Variants in SCARB1 observed in about 807,000 individuals in gnomAD.
The protein encoded by SCARB1 is CD36 and LIMPII analogous 1.
In SCARB1, 30 loss-of-function variants were observed where a neutral mutation model predicts 57.2. That is an observed-to-expected ratio of 0.52 (90% CI 0.39 to 0.71). The LOEUF is 0.71. SCARB1 is among the 30% of genes least tolerant of loss of function. The pLI, the probability that SCARB1 is intolerant of heterozygous loss-of-function variation, is 0.00. For missense variants in SCARB1, 543 were observed against 671.2 expected, an observed-to-expected ratio of 0.81 and a Z score of 2.11; for synonymous variants, 249 against 268.3, an observed-to-expected ratio of 0.93 and a Z score of 0.70.
At chr12:124,813,442 A>G (rs1482302482) in intron 4 of SCARB1, among the ~76,000 whole-genome samples, 2 of 152,208 alleles carry the variant, frequency 1.3e-5, no homozygotes, top group African/African-American at 4.8e-5. Flanking sequence ...TAAGACCATG[A>G]AGCCACCACA....
rs1191790693 is a variant in SCARB1, at chr12:124,817,544, C to T, written c.284+6G>A. ...CCCCTCCACCCTCACCTGGACACAG[C>T]CTCACCTGTACACGTAGGGCCCGCG... On this transcript the variant is annotated splice_donor_region_variant and intron_variant, in intron 2 of 12. Coordinates refer to ENST00000261693, the MANE Select transcript of SCARB1 (RefSeq NM_005505.5). The surrounding 1 kb of genome is among the most constrained non-coding windows in gnomAD (Gnocchi z 4.8). 1.9e-6 allele frequency: 3 copies of T among 1,613,598 alleles called. 1 individual carries two copies. The Admixed American group carries it at 5.0e-5, about 27-fold the overall frequency.
chr12:124,780,241 G>T lies in SCARB1; in HGVS notation c.*1-1655C>A, dbSNP rs997407109. Among the ~76,000 whole-genome samples the T allele has an allele frequency of 3.7e-4, 57 of 152,214 alleles. 1 individual carries two copies. The highest frequency in any genetic ancestry group is 1.2e-4 in the Non-Finnish European group (8 of 67,996). Reference sequence around the variant, plus strand: ...AAGGGCCACCTGGACAGTTGTCCAGGCTGTTCACTGCACAAAAGGACCCAG... The same window carrying T: ...AAGGGCCACCTGGACAGTTGTCCAGTCTGTTCACTGCACAAAAGGACCCAG... On this transcript the variant is annotated intron_variant, in intron 12 of 12. Transcript: ENST00000261693.
intron 1 of SCARB1, among the ~76,000 whole-genome samples, chr12:124,847,117 A>G (rs944295082): frequency 1.3e-5 from 2 of 152,208 alleles, no homozygotes; most frequent in Admixed American, 1.3e-4. Flanking sequence ...TCTTAGTTAC[A>G]TATTTGATTG....
chr12:124,852,921 TCC>T (rs899859990), intron 1 of SCARB1, among the ~76,000 whole-genome samples: 2 of 152,068 alleles, frequency 1.3e-5, no homozygotes, highest in African/African-American at 4.8e-5. Context: ...ACGCCTGTAA[TCC>T]CAGCTACTCA....
chr12:124,819,513 C>T (rs1197966048), intron 1 of SCARB1, among the ~76,000 whole-genome samples: 8 of 152,158 alleles, frequency 5.3e-5, no homozygotes, highest in African/African-American at 1.9e-4. Flanking sequence ...ATCTATAATT[C>T]GCTGCCCCAG....
intron 12 of SCARB1, among the ~76,000 whole-genome samples, chr12:124,780,443 G>C (rs950561003): frequency 6.6e-6 from 1 of 152,210 alleles, no homozygotes; most frequent in African/African-American, 2.4e-5. Flanking sequence ...CAGGGCAAAG[G>C]TGTGGGGCCT....
intron 1 of SCARB1, among the ~76,000 whole-genome samples, chr12:124,861,258 A>G (rs1952888592): frequency 6.6e-6 from 1 of 152,192 alleles, no homozygotes; most frequent in African/African-American, 2.4e-5. Flanking sequence ...GTATTCTTTA[A>G]ATCATCTCTA....
rs1015363236 is a variant in SCARB1, at chr12:124,777,361, G to A, written c.*1226C>T. On this transcript the variant is annotated 3_prime_UTR_variant, in exon 13 of 13. Coordinates refer to ENST00000261693, the MANE Select transcript of SCARB1 (RefSeq NM_005505.5). ...GGGGCCCCATGCAAAAGTGGCAAAA[G>A]CGTCTGCACTGGGGGCTGTGGGATG... 1.1e-4 allele frequency: 16 copies of A among 152,206 alleles called. No homozygotes were observed. Among genetic ancestry groups the A allele is most frequent in the African/African-American group, 3.9e-4 (16 of 41,442 alleles). The allele number at this position is 152,206 out of a possible 1,614,324, so 9.4% of individuals were successfully genotyped here.
rs995840559 is a variant in SCARB1, at chr12:124,814,143, T to C, written c.630+59A>G. On this transcript the variant is annotated intron_variant, in intron 4 of 12. Coordinates refer to ENST00000261693, the MANE Select transcript of SCARB1 (RefSeq NM_005505.5). This position sits in a 1 kb window ranked among gnomAD's most constrained non-coding sequence, Gnocchi z 4.7. ...AAGCTGGTGACCAGTGTCCAGGCTG[T>C]GTGAGGGGAAGACAGGACACAGGCC... The C allele has an allele frequency of 3.3e-5, 50 of 1,494,054 alleles. No homozygotes were observed. Among genetic ancestry groups the C allele is most frequent in the Non-Finnish European group, 4.5e-5 (48 of 1,071,312 alleles). 92.5% of individuals were successfully genotyped at this position (1,494,054 alleles called of 1,614,324 possible).
At chr12:124,842,631 T>C (rs565909237) in intron 1 of SCARB1, among the ~76,000 whole-genome samples, 2 of 152,298 alleles carry the variant, frequency 1.3e-5, no homozygotes, top group South Asian at 4.1e-4. Flanking sequence ...ACATCAACCC[T>C]GACTCTGAAA....
intron 11 of SCARB1, chr12:124,785,967 C>T (rs570199410): frequency 3.3e-6 from 4 of 1,202,858 alleles, no homozygotes; most frequent in Middle Eastern, 2.6e-4. Context: ...TGCCAGCCCC[C>T]CTCAATCCCC....
chr12:124,778,752 A>T (rs1250131555), intron 12 of SCARB1, among the ~76,000 whole-genome samples, 166 bp from the exon 13 acceptor site: 4 of 151,676 alleles, frequency 2.6e-5, no homozygotes, highest in African/African-American at 9.7e-5. Flanking sequence ...GACTCCTGGA[A>T]TGACTCCAAG....
At chr12:124,825,836 T>C (rs781328029) in intron 1 of SCARB1, among the ~76,000 whole-genome samples, 6 of 152,188 alleles carry the variant, frequency 3.9e-5, no homozygotes, top group Non-Finnish European at 7.3e-5. Context: ...ATTTGTCTTT[T>C]AGAGGTGAGG....
chr12:124,859,468 C>T (rs1396341726), intron 1 of SCARB1, among the ~76,000 whole-genome samples: 2 of 151,928 alleles, frequency 1.3e-5, no homozygotes, highest in African/African-American at 4.8e-5. Flanking sequence ...GAGGCAGAGG[C>T]TGCAGTGAGC....
intron 1 of SCARB1, among the ~76,000 whole-genome samples, chr12:124,834,186 G>A (rs1465785169): frequency 1.3e-5 from 2 of 152,256 alleles, no homozygotes; most frequent in Admixed American, 1.3e-4. Context: ...AGAGCCAGGG[G>A]TCTTGTCAAA....
Position 124,781,706 on chromosome 12 carries a change from A to G in SCARB1, c.*977T>C, listed in dbSNP as rs144644636. Among the ~76,000 whole-genome samples the G allele has an allele frequency of 1.6e-3, 250 of 152,328 alleles. 1 individual carries two copies. Among genetic ancestry groups the G allele is most frequent in the Non-Finnish European group, 2.8e-3 (188 of 68,036 alleles). On this transcript the variant is annotated intron_variant, in intron 12 of 12. Coordinates refer to ENST00000261693, the MANE Select transcript of SCARB1 (RefSeq NM_005505.5). The stretch of plus-strand genomic sequence containing the variant: ...CGTCCTATCATTGCACAGGAACACA[A>G]TAAAAATTACTTATTGCTTACCAGA...
At chr12:124,820,782 A>C (rs1950924853) in intron 1 of SCARB1, among the ~76,000 whole-genome samples, 1 of 152,194 alleles carries the variant, frequency 6.6e-6, no homozygotes. Flanking sequence ...CTCACCACAG[A>C]AAACAGTGGG....
At chr12:124,780,288 GAC>G (rs1185538966) in intron 12 of SCARB1, among the ~76,000 whole-genome samples, 5 of 151,970 alleles carry the variant, frequency 3.3e-5, no homozygotes, top group African/African-American at 9.7e-5. Context: ...CAGACCAGTG[GAC>G]ACACAGTTTA....
At chr12:124,863,445 GC>G in intron 1 of SCARB1, 149 bp downstream of exon 1, 1 of 717,066 alleles carries the variant, frequency 1.4e-6, no homozygotes, top group Non-Finnish European at 2.2e-6. Context: ...CCCTCCCGAA[GC>G]GCCTGGCCTC....
Sources: allele counts gnomAD v4.1 joint callset (sites outside exome capture counted in the v4.1 genomes callset), GRCh38; gene constraint gnomAD v4.1.1; non-coding constraint Gnocchi (gnomAD v3.1); transcripts MANE v1.5; gene names NCBI Gene and HGNC (gene_info 2026-07-23, HGNC 2026-07-21).